KCTD16: variants seen among roughly 807,000 people sequenced by gnomAD.
The protein encoded by KCTD16 is BTB/POZ domain-containing protein KCTD16.
Under a neutral mutation model 33.2 loss-of-function variants are expected in KCTD16, and 13 were observed. The ratio of observed to expected loss-of-function variants is 0.39; its 90% CI spans 0.25 to 0.62. KCTD16 has a LOEUF of 0.62. Among genes scored for constraint, KCTD16 ranks in the 20% least tolerant of loss-of-function variants. The pLI is 0.50. For synonymous variants in KCTD16, 197 were observed against 195.3 expected, an observed-to-expected ratio of 1.01 and a Z score of -0.07; for missense variants, 441 against 525.1, an observed-to-expected ratio of 0.84 and a Z score of 1.57.
At chr5:144,390,929 G>T (rs1226657982) in intron 3 of KCTD16, among the ~76,000 whole-genome samples, 2 of 152,088 alleles carry the variant, frequency 1.3e-5, no homozygotes, top group Non-Finnish European at 2.9e-5. Flanking sequence ...CACATCTAGG[G>T]CATGAATGTG....
chr5:144,358,157 T>A (rs1751615706), intron 3 of KCTD16, among the ~76,000 whole-genome samples: 2 of 146,024 alleles, frequency 1.4e-5, no homozygotes, highest in Admixed American at 7.0e-5. Context: ...TGGCCTCAAA[T>A]TCCTGATGTT....
intron 3 of KCTD16, among the ~76,000 whole-genome samples, chr5:144,263,754 A>G (rs1755071341): frequency 6.6e-6 from 1 of 152,220 alleles, no homozygotes; most frequent in African/African-American, 2.4e-5. Context: ...TTTAAAGAAG[A>G]CCATAGACTG....
chr5:144,338,473 A>AT (rs954457581), intron 3 of KCTD16, among the ~76,000 whole-genome samples: 2 of 152,184 alleles, frequency 1.3e-5, no homozygotes, highest in Non-Finnish European at 2.9e-5. Context: ...TATGTAGTGC[A>AT]TATGGATCAT....
chr5:144,227,591 G>A (rs1753973603), intron 3 of KCTD16, among the ~76,000 whole-genome samples: 2 of 152,194 alleles, frequency 1.3e-5, no homozygotes, highest in African/African-American at 2.4e-5. Context: ...GCCAAATGAT[G>A]TCAGAAATTT....
chr5:144,342,249 A>C (rs1016931727), intron 3 of KCTD16, among the ~76,000 whole-genome samples: 1 of 152,078 alleles, frequency 6.6e-6, no homozygotes, highest in African/African-American at 2.4e-5. Flanking sequence ...GTTTTATTTC[A>C]TTGAACAGTG....
At chr5:144,426,628 A>T (rs186635276) in intron 3 of KCTD16, among the ~76,000 whole-genome samples, 1,941 of 152,058 alleles carry the variant, frequency 0.013, 20 homozygotes, top group Non-Finnish European at 0.017. Context: ...AGTAATTTAT[A>T]AAAAAAATAA....
chr5:144,189,768 A>C (rs958684597), intron 2 of KCTD16, among the ~76,000 whole-genome samples: 1 of 152,034 alleles, frequency 6.6e-6, no homozygotes, highest in Non-Finnish European at 1.5e-5. Context: ...TTTCCCTTAT[A>C]TTGGTCATCT....
intron 3 of KCTD16, among the ~76,000 whole-genome samples, chr5:144,298,066 G>C (rs762180652): frequency 6.6e-6 from 1 of 152,188 alleles, no homozygotes; most frequent in Non-Finnish European, 1.5e-5. Context: ...CTAAAGGCTT[G>C]CCATTGTTCC....
chr5:144,229,883 T>C (rs1162296851), intron 3 of KCTD16, among the ~76,000 whole-genome samples: 2 of 152,212 alleles, frequency 1.3e-5, no homozygotes, highest in African/African-American at 4.8e-5. Flanking sequence ...GGCTCACATC[T>C]GTAATCCCAG....
chr5:144,313,345 T>G (rs1258244174), intron 3 of KCTD16, among the ~76,000 whole-genome samples: 1 of 152,170 alleles, frequency 6.6e-6, no homozygotes, highest in Non-Finnish European at 1.5e-5. Flanking sequence ...CCAGCTTCAG[T>G]TTTCTGCCAA....
At chr5:144,253,609 T>G (rs4912964) in intron 3 of KCTD16, among the ~76,000 whole-genome samples, 52,315 of 152,046 alleles carry the variant, frequency 0.34, 9,565 homozygotes, top group African/African-American at 0.47. Flanking sequence ...CAGACATGTG[T>G]CTATAGAAAA....
chr5:144,252,794 T>C (rs1483565006), intron 3 of KCTD16, among the ~76,000 whole-genome samples: 1 of 151,826 alleles, frequency 6.6e-6, no homozygotes, highest in African/African-American at 2.4e-5. Context: ...GTCAGGAAAG[T>C]TTCATCTCTC....
chr5:144,312,756 G>A (rs1218170926), intron 3 of KCTD16, among the ~76,000 whole-genome samples: 1 of 152,186 alleles, frequency 6.6e-6, no homozygotes, highest in Non-Finnish European at 1.5e-5. Context: ...CTGGAAAAGG[G>A]TGTGAAGGGT....
At chr5:144,462,582 AC>A (rs1291222781) in intron 3 of KCTD16, among the ~76,000 whole-genome samples, 174 of 147,566 alleles carry the variant, frequency 1.2e-3, no homozygotes, top group African/African-American at 3.5e-3. Context: ...AAAAAAAAAA[AC>A]AAAAAACTCT....
In KCTD16 at chr5:144,479,597, G is replaced by A. The variant is rs147446951; in HGVS notation, c.*5483G>A. 14 of 151,888 alleles carry A rather than the reference G, an allele frequency of 9.2e-5. No homozygotes were observed. The highest frequency in any genetic ancestry group is 3.1e-4 in the African/African-American group (13 of 41,514). The allele number at this position is 151,888 out of a possible 1,614,324, so 9.4% of individuals were successfully genotyped here. A position where few individuals can be genotyped will look rare whatever the true frequency, so the allele number is the denominator to read the frequency against. On this transcript the variant is annotated 3_prime_UTR_variant, in exon 4 of 4. Coordinates refer to ENST00000512467, the MANE Select transcript of KCTD16 (RefSeq NM_020768.4). ...TGTTTAATGAAACTGATGAACATGAGCAACTAATTATGTTAAATTGGCCAA... is the reference window on the plus strand; with the variant it reads ...TGTTTAATGAAACTGATGAACATGAACAACTAATTATGTTAAATTGGCCAA...
chr5:144,225,751 C>T (rs1203923133), intron 3 of KCTD16, among the ~76,000 whole-genome samples: 1 of 152,168 alleles, frequency 6.6e-6, no homozygotes, highest in African/African-American at 2.4e-5. Context: ...CTATGACTAA[C>T]CTGAAACTCT....
At chr5:144,256,119 G>A (rs995477236) in intron 3 of KCTD16, among the ~76,000 whole-genome samples, 7 of 151,996 alleles carry the variant, frequency 4.6e-5, no homozygotes, top group Admixed American at 2.0e-4. Flanking sequence ...CTGTTTTCTG[G>A]GTTTGAATAC....
chr5:144,206,111 G>C (rs1429032440), intron 2 of KCTD16: 1 of 152,568 alleles, frequency 6.6e-6, no homozygotes, highest in Non-Finnish European at 1.5e-5. Context: ...GTTGAAAATT[G>C]CATGTTTCTT....
chr5:144,350,771 CT>C (rs561403198), intron 3 of KCTD16, among the ~76,000 whole-genome samples: 12,728 of 144,878 alleles, frequency 0.088, 1,263 homozygotes, highest in African/African-American at 0.24. Flanking sequence ...TTGGTGGTTT[CT>C]TTTTTTTTTT....
Sources: gnomAD v4.1 joint callset for allele counts (sites outside exome capture counted in the v4.1 genomes callset) on GRCh38, gnomAD v4.1.1 for gene constraint, MANE v1.5 for transcripts, NCBI Gene and HGNC (gene_info 2026-07-23, HGNC 2026-07-21) for gene names.